CCDC154: variants seen among roughly 807,000 people sequenced by gnomAD.
CCDC154 encodes the protein coiled-coil domain-containing protein 154.
CCDC154 carries 91 observed loss-of-function variants against 87.5 expected under a neutral mutation model. That is an observed-to-expected ratio of 1.04 (90% CI 0.88 to 1.24). The LOEUF (loss-of-function observed/expected upper bound fraction) is 1.24. Ranked by LOEUF, CCDC154 falls within the 50% of genes most tolerant of loss-of-function variation. The probability of loss-of-function intolerance (pLI) is 0.00; values close to 1 mark genes in which losing one functional copy is unlikely to be tolerated. For missense variants in CCDC154, 903 were observed against 879.2 expected (o/e 1.03, Z -0.34); for synonymous variants, 418 against 400.4 (o/e 1.04, Z -0.52).
rs756653097 is a variant in CCDC154, at chr16:1,443,782, C to T, written c.224+14G>A. On this transcript the variant is annotated intron_variant, in intron 2 of 16. Coordinates refer to ENST00000389176, the MANE Select transcript of CCDC154 (RefSeq NM_001143980.3). ...ACGTGGTCCTCCCCCGCCAGCACCC[C>T]CTGCAGGGCTCACCACTGCTCCAGC... 5 of 1,305,268 alleles carry T rather than the reference C, an allele frequency of 3.8e-6. No individual in the cohort carries two copies. The highest frequency in any genetic ancestry group is 5.0e-6 in the Non-Finnish European group (5 of 990,230). 80.9% of individuals were successfully genotyped at this position (1,305,268 alleles called of 1,614,324 possible).
intron 5 of CCDC154, 112 bp downstream of exon 5, chr16:1,442,768 C>T (rs1037977232): frequency 1.6e-4 from 191 of 1,195,378 alleles, no homozygotes; most frequent in Non-Finnish European, 2.0e-4. Flanking sequence ...GGGCGGTGCC[C>T]CGCCGGGTTA....
chr16:1,442,513 C>T lies in CCDC154; in HGVS notation c.568G>A (p.Asp190Asn), dbSNP rs748075268. The T allele has an allele frequency of 1.7e-5, 26 of 1,546,618 alleles. No individual in the cohort carries two copies. Among genetic ancestry groups the T allele is most frequent in the South Asian group, 7.2e-5 (6 of 83,492 alleles). The part of the protein sequence containing the change: ...EAGLRLAKLT[D>N]LLQQEEQGRE... ...CCCTGCTCCTCCTGCTGCAGCAAGT[C>T]GGTCAGCTTGGCCAGTCTAGAGAAG... The change falls in exon 6 of 17, where the codon GAC becomes AAC. Residue 190 changes from aspartate (D) to asparagine (N), a missense_variant. By Grantham distance (23) the Asp-to-Asn change is conservative. Coordinates refer to ENST00000389176, the MANE Select transcript of CCDC154 (RefSeq NM_001143980.3).
At position 1,436,438 on chromosome 16, in the gene CCDC154, G is replaced by T; in HGVS notation, c.1487+7C>A. 6.5e-7 allele frequency: 1 copy of T among 1,546,896 alleles called. No homozygotes were observed. Among genetic ancestry groups the T allele is most frequent in the Non-Finnish European group, 8.7e-7 (1 of 1,146,060 alleles). ...CCTGCCCCTCTCCCAGGGCCTGGAG[G>T]CTGTACCTGGCCTTGCCTTCGGCGG... On this transcript the variant is annotated splice_region_variant and intron_variant, in intron 13 of 16. Transcript: ENST00000389176.
Position 1,439,061 on chromosome 16 carries a change from G to T in CCDC154, c.741C>A (p.Cys247Ter), listed in dbSNP as rs375024782. Reference protein sequence around the residue: ...LRFLKREAKLCGFLQKSFLAL... With the variant: ...LRFLKREAKL ...CCAGGAAGCTCTTCTGCAGGAAGCC[G>T]CACAGCTTGGCCTCCCTCTTCAGGA... is the stretch of plus-strand genomic sequence containing the variant. The change falls in exon 7 of 17, where the codon TGC (cysteine) becomes TGA (stop). Residue 247 changes from cysteine to a stop codon, truncating the protein, a stop_gained. Coordinates refer to ENST00000389176, the MANE Select transcript of CCDC154 (RefSeq NM_001143980.3). LOFTEE classifies it high-confidence loss of function. The T allele has an allele frequency of 1.9e-6, 3 of 1,550,284 alleles. No homozygotes were observed. Among genetic ancestry groups the T allele is most frequent in the Non-Finnish European group, 1.7e-6 (2 of 1,146,910 alleles).
chr16:1,436,834 G>C, intron 11 of CCDC154, 23 bp from the exon 12 acceptor site: 2 of 1,550,084 alleles, frequency 1.3e-6, no homozygotes, highest in Admixed American at 3.9e-5. Context: ...TGCCCAGTGA[G>C]GGACAAAGCC....
At chr16:1,436,310 C>T (rs2038501324) in intron 13 of CCDC154, 135 bp downstream of exon 13, 9 of 910,454 alleles carry the variant, frequency 9.9e-6, no homozygotes, top group African/African-American at 1.6e-5. Flanking sequence ...GAGCCCGGTG[C>T]TGGGCCAGGC....
Position 1,444,263 on chromosome 16 carries a change from C to T in CCDC154, c.7+53G>A, listed in dbSNP as rs142304724. ...GGGTCAGAAGCAGAGCGGTCCCCACCCTCACACCTGTGGCAAGCCCCTCCC... is the reference window on the plus strand; with the variant it reads ...GGGTCAGAAGCAGAGCGGTCCCCACTCTCACACCTGTGGCAAGCCCCTCCC... On this transcript the variant is annotated intron_variant, in intron 1 of 16. Coordinates refer to ENST00000389176, the MANE Select transcript of CCDC154 (RefSeq NM_001143980.3). The T allele has an allele frequency of 3.6e-5, 47 of 1,296,368 alleles. No homozygotes were observed. In the Middle Eastern group the frequency reaches 8.6e-4, roughly 24 times the overall value. 80.3% of individuals were successfully genotyped at this position (1,296,368 alleles called of 1,614,324 possible).
At position 1,436,676 on chromosome 16, in the gene CCDC154, C is replaced by A. The variant is rs1364091050; in HGVS notation, c.1410+16G>T. On this transcript the variant is annotated intron_variant, in intron 12 of 16. Coordinates refer to ENST00000389176, the MANE Select transcript of CCDC154 (RefSeq NM_001143980.3). ...CAAGGCCCAAGTACACCAAGGCTGG[C>A]TGTGCCTTCGCCCACCTGCTGGGGG... 6.5e-7 allele frequency: 1 copy of A among 1,549,664 alleles called. No homozygotes were observed. Among genetic ancestry groups the A allele is most frequent in the Non-Finnish European group, 8.7e-7 (1 of 1,146,786 alleles).
Position 1,437,847 on chromosome 16 carries a change from C to T in CCDC154, c.1260G>A (p.Gln420=). The stretch of plus-strand genomic sequence containing the variant: ...ACAGCCTGAGGCCCAGCATCTGCTC[C>T]TGCAGATCGAGCCGGCTGCTCAGAG... ...LPALSSRLDL[Q]EQMLGLRLSE... is the part of the protein sequence containing the mutation. Residue 420 remains glutamine, a synonymous_variant, in exon 11 of 17, where the codon CAG becomes CAA. Coordinates refer to ENST00000389176, the MANE Select transcript of CCDC154 (RefSeq NM_001143980.3). 1 of 1,540,382 alleles carries T rather than the reference C, an allele frequency of 6.5e-7. No individual in the cohort carries two copies. The highest frequency in any genetic ancestry group is 8.7e-7 in the Non-Finnish European group (1 of 1,145,994).
Position 1,437,802 on chromosome 16 carries a change from C to A in CCDC154, c.1290+15G>T, listed in dbSNP as rs759722127. The A allele has an allele frequency of 2.0e-6, 3 of 1,522,082 alleles. No individual in the cohort carries two copies. The highest frequency in any genetic ancestry group is 2.6e-6 in the Non-Finnish European group (3 of 1,136,588). The allele number at this position is 1,522,082 out of a possible 1,614,324, so 94.3% of individuals were successfully genotyped here. A position where few individuals can be genotyped will look rare whatever the true frequency, so the allele number is the denominator to read the frequency against. On this transcript the variant is annotated intron_variant, in intron 11 of 16. Transcript: ENST00000389176. The stretch of plus-strand genomic sequence containing the variant: ...CCCCATAGCCCCGCCTGCCCCCGCC[C>A]GCTGCCTGGCGCACCTCGGACAGCC...
intron 11 of CCDC154, chr16:1,437,595 C>T (rs935273747): frequency 1.5e-5 from 8 of 536,424 alleles, no homozygotes; most frequent in African/African-American, 4.0e-5. Flanking sequence ...TCGGGCCTCA[C>T]GGGCTGCAGA....
At chr16:1,437,781 A>G in intron 11 of CCDC154, 36 bp downstream of exon 11, 1 of 1,507,752 alleles carries the variant, frequency 6.6e-7, no homozygotes. Flanking sequence ...GGGACTCCCC[A>G]TAGCCCCGCC....
intron 6 of CCDC154, among the ~76,000 whole-genome samples, chr16:1,439,509 T>C (rs1414948304): frequency 6.6e-6 from 1 of 152,030 alleles, no homozygotes; most frequent in Non-Finnish European, 1.5e-5. Flanking sequence ...CTTGGGGCCT[T>C]GTCTCCACAC....
Position 1,437,797 on chromosome 16 carries a change from C to G in CCDC154, c.1290+20G>C. ...GGACTCCCCATAGCCCCGCCTGCCCCCGCCCGCTGCCTGGCGCACCTCGGA... is the reference window on the plus strand; with the variant it reads ...GGACTCCCCATAGCCCCGCCTGCCCGCGCCCGCTGCCTGGCGCACCTCGGA... On this transcript the variant is annotated intron_variant, in intron 11 of 16. Coordinates refer to ENST00000389176, the MANE Select transcript of CCDC154 (RefSeq NM_001143980.3). The G allele has an allele frequency of 6.6e-7, 1 of 1,518,862 alleles. No individual in the cohort carries two copies. The highest frequency in any genetic ancestry group is 8.8e-7 in the Non-Finnish European group (1 of 1,134,542). 94.1% of individuals were successfully genotyped at this position (1,518,862 alleles called of 1,614,324 possible).
intron 15 of CCDC154, 51 bp downstream of exon 15, chr16:1,435,038 T>C (rs2038488250): frequency 6.6e-7 from 1 of 1,518,150 alleles, no homozygotes; most frequent in African/African-American, 1.4e-5. Context: ...GCGGCAGGGC[T>C]GAGGGAGCGG....
rs1192077567 is a variant in CCDC154, at chr16:1,438,165, C to T, written c.1037G>A (p.Gly346Glu). The T allele has an allele frequency of 1.3e-6, 2 of 1,542,052 alleles. No homozygotes were observed. The highest frequency in any genetic ancestry group is 1.8e-6 in the Non-Finnish European group (2 of 1,142,506). ...CCCAGCCCGGCTTTCCTCCAAGCGC[C>T]CCTTGGCGTCCCTAGGGGTTGGGGA... ...LAEEKAWDAK[G>E]RLEESRAGEL... is the part of the protein sequence containing the mutation. The change falls in exon 10 of 17, where the codon GGG becomes GAG. Residue 346 changes from glycine (G) to glutamate (E), a missense_variant. By Grantham distance (98) the Gly-to-Glu change is moderately conservative (BLOSUM62 -2). Coordinates refer to ENST00000389176, the MANE Select transcript of CCDC154 (RefSeq NM_001143980.3).
chr16:1,444,235 C>A lies in CCDC154; in HGVS notation c.7+81G>T, dbSNP rs73492034. On this transcript the variant is annotated intron_variant, in intron 1 of 16. Coordinates refer to ENST00000389176, the MANE Select transcript of CCDC154 (RefSeq NM_001143980.3). ...CAGGAACAAGCGAGCTGGAGGGAGC[C>A]CGGGGTCAGAAGCAGAGCGGTCCCC... 3,615 of 1,258,744 alleles carry A rather than the reference C, an allele frequency of 2.9e-3. 80 individuals carry two copies. The African/African-American group carries it at 0.049, about 17-fold the overall frequency. The allele number at this position is 1,258,744 out of a possible 1,614,324, so 78.0% of individuals were successfully genotyped here.
Position 1,435,166 on chromosome 16 carries a change from G to C in CCDC154, c.1615C>G (p.Gln539Glu). 6.4e-7 allele frequency: 1 copy of C among 1,550,538 alleles called. No homozygotes were observed. Among genetic ancestry groups the C allele is most frequent in the Admixed American group, 2.0e-5 (1 of 51,008 alleles). Residue 539 changes from glutamine (Q) to glutamate (E), a missense_variant, in exon 15 of 17, where the codon CAA becomes GAA. Gln to Glu is a conservative substitution (Grantham distance 29). Coordinates refer to ENST00000389176, the MANE Select transcript of CCDC154 (RefSeq NM_001143980.3). Reference protein sequence around the residue: ...MQGKLATFQNQIMKLENCVQA... With the variant: ...MQGKLATFQNEIMKLENCVQA... ...ACGCAGTTTTCCAGCTTCATTATTT[G>C]GTTCTGAAACTAAACATGGCCCCCA...
At chr16:1,436,340 G>A (rs1159384333) in intron 13 of CCDC154, 105 bp downstream of exon 13, 6 of 1,081,868 alleles carry the variant, frequency 5.5e-6, no homozygotes, top group Middle Eastern at 2.0e-4. Flanking sequence ...GGGGGAACAG[G>A]TCTGTCACGA....
Sources: allele counts gnomAD v4.1 joint callset (sites outside exome capture counted in the v4.1 genomes callset), GRCh38; gene constraint gnomAD v4.1.1; transcripts MANE v1.5; gene names NCBI Gene and HGNC (gene_info 2026-07-23, HGNC 2026-07-21).